The following CCSER1 variants were observed in gnomAD, a reference collection of about 807,000 sequenced individuals.
CCSER1 encodes the protein coiled-coil serine rich protein 1.
Under a neutral mutation model 82.0 loss-of-function variants are expected in CCSER1, and 41 were observed. The ratio of observed to expected loss-of-function variants is 0.50; its 90% CI spans 0.39 to 0.65. The LOEUF (loss-of-function observed/expected upper bound fraction) is 0.65. Among genes scored for constraint, CCSER1 ranks in the 30% least tolerant of loss-of-function variants. CCSER1 has a pLI of 0.00. For synonymous variants in CCSER1, 414 were observed against 383.9 expected (o/e 1.08, Z -0.92); for missense variants, 1,119 against 1,064.2 (o/e 1.05, Z -0.72).
intron 10 of CCSER1, among the ~76,000 whole-genome samples, chr4:91,211,834 G>GA (rs142278366): frequency 0.058 from 8,856 of 152,054 alleles, 504 homozygotes; most frequent in African/African-American, 0.15. Flanking sequence ...AATAGTGATA[G>GA]AAAAAACATT....
Position 91,258,936 on chromosome 4 carries a change from A to G in CCSER1, c.2217+172942A>G, listed in dbSNP as rs1240743193. On this transcript the variant is annotated intron_variant, in intron 10 of 10. Transcript: ENST00000509176. ...TACAGTACTATGTTTCTTCCTTTTC[A>G]TACATCTATGAAGTAGGAACCTGAG... 3.3e-5 allele frequency among the ~76,000 whole-genome samples: 5 copies of G among 152,116 alleles called. No individual in the cohort carries two copies. The East Asian group carries it at 9.6e-4, about 29-fold the overall frequency.
At chr4:90,312,772 A>G (rs1735530574) in intron 2 of CCSER1, 91 bp from the exon 3 acceptor site, 4 of 982,316 alleles carry the variant, frequency 4.1e-6, no homozygotes, top group Admixed American at 2.6e-5. Flanking sequence ...TTTGAATAAC[A>G]CTAAGAGTTT....
chr4:90,230,073 G>A (rs1350832860), intron 1 of CCSER1, among the ~76,000 whole-genome samples: 2 of 152,106 alleles, frequency 1.3e-5, no homozygotes, highest in Non-Finnish European at 2.9e-5. Context: ...GAGACAGAAA[G>A]TTAGCAAGGA....
intron 10 of CCSER1, among the ~76,000 whole-genome samples, chr4:91,491,047 G>T (rs745546954): frequency 1.0e-4 from 15 of 149,090 alleles, no homozygotes; most frequent in Non-Finnish European, 1.9e-4. Context: ...TATTATTCAC[G>T]TGAACCCTCT....
At chr4:90,184,890 C>CA (rs1221690478) in intron 1 of CCSER1, among the ~76,000 whole-genome samples, 3 of 152,056 alleles carry the variant, frequency 2.0e-5, no homozygotes, top group Non-Finnish European at 4.4e-5. Context: ...GTGACTGCTG[C>CA]AGTTCTAGAT....
In CCSER1 at chr4:91,154,519, C is replaced by T. The variant is rs1012340993; in HGVS notation, c.2217+68525C>T. On this transcript the variant is annotated intron_variant, in intron 10 of 10. Coordinates refer to ENST00000509176, the MANE Select transcript of CCSER1 (RefSeq NM_001145065.2). ...GCTCCTGCTCCTGGTCCTTGGGTTG[C>T]ACCCACTGTCCTGCACCCACTGTCC... Among the ~76,000 whole-genome samples the T allele has an allele frequency of 2.0e-5, 3 of 151,976 alleles. 1 individual carries two copies. Among genetic ancestry groups the T allele is most frequent in the African/African-American group, 7.2e-5 (3 of 41,440 alleles).
chr4:91,032,625 T>A (rs779222364), intron 9 of CCSER1, among the ~76,000 whole-genome samples: 4 of 152,206 alleles, frequency 2.6e-5, no homozygotes, highest in Non-Finnish European at 5.9e-5. Flanking sequence ...CTGCTGAATG[T>A]TTAAAGTAAT....
intron 10 of CCSER1, among the ~76,000 whole-genome samples, chr4:91,314,378 C>G (rs28716378): frequency 1.3e-4 from 20 of 152,014 alleles, no homozygotes; most frequent in Admixed American, 2.0e-4. Context: ...ATCTAGGGAA[C>G]CTTATAATCC....
At chr4:91,125,578 A>T (rs184408694) in intron 10 of CCSER1, among the ~76,000 whole-genome samples, 8 of 151,896 alleles carry the variant, frequency 5.3e-5, no homozygotes, top group Non-Finnish European at 1.0e-4. Flanking sequence ...CCTTTACAAA[A>T]CACATGGATT....
chr4:90,933,132 AGTGTGTGTGTGTGTGTGTGTGT>A lies in CCSER1; in HGVS notation c.2172+9715_2172+9736del, dbSNP rs536402295. Reference sequence around the variant, plus strand: ...TGTTGTTCCAAAAATGTTACCTAGAAGTGTGTGTGTGTGTGTGTGTGTGTGTGTGTGTGTGTGTGTGTGTGTG... The same window carrying A: ...TGTTGTTCCAAAAATGTTACCTAGAAGTGTGTGTGTGTGTGTGTGTGTGTG... On this transcript the variant is annotated intron_variant, in intron 9 of 10. Transcript: ENST00000509176. Among the ~76,000 whole-genome samples, 86 of 70,184 alleles carry A rather than the reference AGTGTGTGTGTGTGTGTGTGTGT, an allele frequency of 1.2e-3. 4 individuals carry two copies. Among genetic ancestry groups the A allele is most frequent in the African/African-American group, 5.1e-3 (70 of 13,816 alleles). The allele number at this position is 70,184 out of a possible 152,430, so 46.0% of individuals were successfully genotyped here.
At chr4:90,471,446 A>G (rs918438833) in intron 5 of CCSER1, among the ~76,000 whole-genome samples, 1 of 152,176 alleles carries the variant, frequency 6.6e-6, no homozygotes, top group Admixed American at 6.5e-5. Flanking sequence ...TAAAAGAAAT[A>G]ATAAATAAAT....
intron 10 of CCSER1, among the ~76,000 whole-genome samples, chr4:91,107,277 C>A (rs946028070): frequency 6.6e-6 from 1 of 152,030 alleles, no homozygotes; most frequent in Non-Finnish European, 1.5e-5. Context: ...TCATTTGAGA[C>A]AGAGCCCCGC....
chr4:91,462,036 A>C (rs1210026790), intron 10 of CCSER1, among the ~76,000 whole-genome samples: 3 of 152,182 alleles, frequency 2.0e-5, no homozygotes, highest in Non-Finnish European at 2.9e-5. Context: ...CACTCAAACA[A>C]AAGTACAATC....
intron 1 of CCSER1, among the ~76,000 whole-genome samples, chr4:90,288,311 A>T (rs1242801043): frequency 2.0e-5 from 3 of 151,886 alleles, no homozygotes; most frequent in Admixed American, 2.0e-4. Context: ...GGGAGTTTGC[A>T]CTTGATTCTG....
At position 90,427,089 on chromosome 4, in the gene CCSER1, AAC is replaced by A. The variant is rs1357579729; in HGVS notation, c.1603+26961_1603+26962del. 2.0e-5 allele frequency among the ~76,000 whole-genome samples: 3 copies of A among 152,060 alleles called. No homozygotes were observed. The East Asian group carries it at 5.8e-4, about 29-fold the overall frequency. ...CTAACCAGATAGTAGCCAATTTATAAACGTTTAGAGACAATTTTGTGTGTCTA... is the reference window on the plus strand; with the variant it reads ...CTAACCAGATAGTAGCCAATTTATAAGTTTAGAGACAATTTTGTGTGTCTA... On this transcript the variant is annotated intron_variant, in intron 4 of 10. Coordinates refer to ENST00000509176, the MANE Select transcript of CCSER1 (RefSeq NM_001145065.2).
chr4:90,479,796 G>T (rs1049378956), intron 5 of CCSER1, among the ~76,000 whole-genome samples: 2 of 152,038 alleles, frequency 1.3e-5, no homozygotes, highest in East Asian at 1.9e-4. Context: ...TTTGGGTTGG[G>T]TCCAAGTCTT....
intron 7 of CCSER1, among the ~76,000 whole-genome samples, chr4:90,782,213 G>A (rs1753869289): frequency 6.6e-6 from 1 of 151,854 alleles, no homozygotes; most frequent in Non-Finnish European, 1.5e-5. Flanking sequence ...ATATATTTGT[G>A]GGCAAAAAAT....
At chr4:90,467,198 A>C (rs1763752052) in intron 4 of CCSER1, among the ~76,000 whole-genome samples, 1 of 151,980 alleles carries the variant, frequency 6.6e-6, no homozygotes, top group Non-Finnish European at 1.5e-5. Context: ...CATCCTGGCC[A>C]ACATGGTGAA....
intron 9 of CCSER1, among the ~76,000 whole-genome samples, chr4:91,038,990 A>G (rs1216909954): frequency 1.3e-5 from 2 of 152,134 alleles, no homozygotes; most frequent in African/African-American, 4.8e-5. Context: ...AAAAATTATG[A>G]TTCTTAGTTT....
Sources: allele counts gnomAD v4.1 joint callset (sites outside exome capture counted in the v4.1 genomes callset), GRCh38; gene constraint gnomAD v4.1.1; transcripts MANE v1.5; gene names NCBI Gene and HGNC (gene_info 2026-07-23, HGNC 2026-07-21).